TMEM131L: variants seen among roughly 807,000 people sequenced by gnomAD.
TMEM131L encodes the protein transmembrane protein 131-like.
TMEM131L carries 54 observed loss-of-function variants against 192.2 expected under a neutral mutation model. The observed-to-expected ratio is 0.28, with a 90% CI of 0.23 to 0.35. The LOEUF (loss-of-function observed/expected upper bound fraction) is 0.35. Ranked by LOEUF, TMEM131L falls within the 10% of genes least tolerant of loss-of-function variation. The pLI, the probability that TMEM131L is intolerant of heterozygous loss-of-function variation, is 1.00. For missense variants in TMEM131L, 1,888 were observed against 1,972.9 expected (o/e 0.96, Z 0.82); for synonymous variants, 701 against 704.9 (o/e 0.99, Z 0.09).
At chr4:153,574,681 G>A (rs1729816358) in intron 7 of TMEM131L, among the ~76,000 whole-genome samples, 1 of 152,104 alleles carries the variant, frequency 6.6e-6, no homozygotes, top group South Asian at 2.1e-4. Context: ...TCCGCCTCCC[G>A]GGTTCAAGCA....
chr4:153,590,942 C>T (rs1403749356), intron 16 of TMEM131L, 111 bp from the exon 17 acceptor site: 13 of 655,128 alleles, frequency 2.0e-5, no homozygotes, highest in Non-Finnish European at 2.9e-5. Context: ...GAGCCCTTTT[C>T]CTTTAAGTGG....
chr4:153,611,950 G>A (rs1732646157), intron 25 of TMEM131L, among the ~76,000 whole-genome samples: 1 of 152,006 alleles, frequency 6.6e-6, no homozygotes, highest in Non-Finnish European at 1.5e-5. Context: ...CCATTTATCC[G>A]TCAATGGACA....
At chr4:153,467,140 C>T (rs1309746733) in intron 1 of TMEM131L, 71 bp from the exon 2 acceptor site, 2 of 1,426,006 alleles carry the variant, frequency 1.4e-6, no homozygotes, top group Non-Finnish European at 1.9e-6. Context: ...CACGGAGGGA[C>T]GGTAGGGGAA....
intron 26 of TMEM131L, among the ~76,000 whole-genome samples, chr4:153,615,323 T>C (rs1003597707): frequency 3.3e-5 from 5 of 152,098 alleles, no homozygotes; most frequent in South Asian, 2.1e-4. Context: ...TGGCTGAACA[T>C]TGAAGAGAGA....
At chr4:153,588,770 G>A in intron 15 of TMEM131L, 120 bp from the exon 16 acceptor site, 2 of 592,278 alleles carry the variant, frequency 3.4e-6, no homozygotes, top group East Asian at 5.6e-5. Context: ...GACAGAGGTG[G>A]CATTTATTAA....
chr4:153,573,738 T>G (rs977067793), intron 7 of TMEM131L, among the ~76,000 whole-genome samples: 1 of 152,206 alleles, frequency 6.6e-6, no homozygotes, highest in Admixed American at 6.5e-5. Flanking sequence ...CTTTTTTTCT[T>G]GAGTTCTGTT....
At chr4:153,502,153 G>C (rs1368819787) in intron 3 of TMEM131L, among the ~76,000 whole-genome samples, 3 of 151,800 alleles carry the variant, frequency 2.0e-5, no homozygotes, top group African/African-American at 2.4e-5. Context: ...CGTGCTTCCC[G>C]GGCCGGTCTC....
At chr4:153,511,811 A>G (rs1734378525) in intron 3 of TMEM131L, among the ~76,000 whole-genome samples, 1 of 152,238 alleles carries the variant, frequency 6.6e-6, no homozygotes, top group Non-Finnish European at 1.5e-5. Context: ...AAAAAGTTCC[A>G]TCTGTCTCAT....
rs1441994163 is a variant in TMEM131L at position 153,473,773 on chromosome 4, C to G, written c.196-72C>G. The G allele has an allele frequency of 2.3e-6, 3 of 1,284,378 alleles. No homozygotes were observed. The East Asian group carries it at 8.1e-5, about 35-fold the overall frequency. The allele number at this position is 1,284,378 out of a possible 1,614,324, so 79.6% of individuals were successfully genotyped here. The stretch of plus-strand genomic sequence containing the variant: ...TGCCATTGTACTCCAGCCTGGGTGA[C>G]AGAGCGAGACTCTGTCTCAAAAACA... On this transcript the variant is annotated intron_variant, in intron 2 of 34. Coordinates refer to ENST00000409959, the MANE Select transcript of TMEM131L (RefSeq NM_001131007.2).
chr4:153,522,321 A>G (rs1735177930), intron 3 of TMEM131L, among the ~76,000 whole-genome samples: 1 of 152,298 alleles, frequency 6.6e-6, no homozygotes, highest in African/African-American at 2.4e-5. Flanking sequence ...GTTGGTAGGA[A>G]ATAGGTGTCC....
chr4:153,554,642 A>C (rs903308309), intron 4 of TMEM131L, among the ~76,000 whole-genome samples: 4 of 152,230 alleles, frequency 2.6e-5, no homozygotes, highest in Admixed American at 2.6e-4. Flanking sequence ...GATATAATTC[A>C]TTCAGCTTAA....
Position 153,469,331 on chromosome 4 carries a change from A to ACACACACACACC in TMEM131L, c.195+2059_195+2060insACCCACACACAC, listed in dbSNP as rs1730991287. On this transcript the variant is annotated intron_variant, in intron 2 of 34. Coordinates refer to ENST00000409959, the MANE Select transcript of TMEM131L (RefSeq NM_001131007.2). ...GTAAGGGAGACACACACACACACAC[A>ACACACACACACC]CACACACACGTGTGTATGTGTGTGT... Among the ~76,000 whole-genome samples, 5 of 152,070 alleles carry ACACACACACACC rather than the reference A, an allele frequency of 3.3e-5. No homozygotes were observed. In the South Asian group the frequency reaches 1.0e-3, roughly 32 times the overall value.
At chr4:153,505,920 T>C (rs754518839) in intron 3 of TMEM131L, among the ~76,000 whole-genome samples, 1 of 152,130 alleles carries the variant, frequency 6.6e-6, no homozygotes, top group African/African-American at 2.4e-5. Flanking sequence ...GCAGGGGGCT[T>C]GTTTTGTGTG....
chr4:153,620,167 T>C (rs115630440), intron 26 of TMEM131L, among the ~76,000 whole-genome samples: 2,975 of 152,344 alleles, frequency 0.02, 90 homozygotes, highest in Admixed American at 0.083. Context: ...AAGGCTCCAA[T>C]TGAGGAAACT....
chr4:153,555,274 T>C lies in TMEM131L; in HGVS notation c.309-513T>C, dbSNP rs973867771. ...TACATACCTCCCCAAAAAGTCTCTT[T>C]TACTCAGAAAACATAACCCTAAGAA... On this transcript the variant is annotated intron_variant, in intron 4 of 34. Transcript: ENST00000409959. The surrounding 1 kb of genome is among the most constrained non-coding windows in gnomAD (Gnocchi z 4.1). Among the ~76,000 whole-genome samples, 1 of 152,228 alleles carries C rather than the reference T, an allele frequency of 6.6e-6. No homozygotes were observed. Among genetic ancestry groups the C allele is most frequent in the African/African-American group, 2.4e-5 (1 of 41,462 alleles).
At chr4:153,480,594 A>G (rs1465975394) in intron 3 of TMEM131L, among the ~76,000 whole-genome samples, 1 of 151,340 alleles carries the variant, frequency 6.6e-6, no homozygotes, top group Non-Finnish European at 1.5e-5. Context: ...AACCTGAAGT[A>G]TCTCACCAGG....
Position 153,555,702 on chromosome 4 carries a change from GTA to G in TMEM131L, c.309-76_309-75del. The G allele has an allele frequency of 1.7e-6, 2 of 1,147,462 alleles. No individual in the cohort carries two copies. Among genetic ancestry groups the G allele is most frequent in the Non-Finnish European group, 2.4e-6 (2 of 832,550 alleles). 71.1% of individuals were successfully genotyped at this position (1,147,462 alleles called of 1,614,324 possible). ...GCTTTCTGGGTTTAAAAATCTGTGT[GTA>G]TATATATAATAATACATATATATGT... On this transcript the variant is annotated intron_variant, in intron 4 of 34. Coordinates refer to ENST00000409959, the MANE Select transcript of TMEM131L (RefSeq NM_001131007.2). This position sits in a 1 kb window ranked among gnomAD's most constrained non-coding sequence, Gnocchi z 4.1.
intron 3 of TMEM131L, among the ~76,000 whole-genome samples, chr4:153,497,397 G>A (rs1209860352): frequency 6.6e-6 from 1 of 151,942 alleles, no homozygotes; most frequent in African/African-American, 2.4e-5. Context: ...TCTGAGTTAG[G>A]CCTCATGCTG....
intron 3 of TMEM131L, among the ~76,000 whole-genome samples, chr4:153,492,788 C>T (rs1732879895): frequency 6.6e-6 from 1 of 152,032 alleles, no homozygotes; most frequent in Non-Finnish European, 1.5e-5. Context: ...TATATCTTTT[C>T]TGGCTTTGTA....
Sources: gnomAD v4.1 joint callset for allele counts (sites outside exome capture counted in the v4.1 genomes callset) on GRCh38, gnomAD v4.1.1 for gene constraint, Gnocchi (gnomAD v3.1) non-coding constraint, MANE v1.5 for transcripts, NCBI Gene and HGNC (gene_info 2026-07-23, HGNC 2026-07-21) for gene names.